The following LRGUK variants were observed in gnomAD, a reference collection of about 807,000 sequenced individuals.
LRGUK encodes leucine-rich repeat and guanylate kinase domain-containing protein.
A neutral mutation model predicts 76.0 loss-of-function variants in LRGUK; 65 were observed. The ratio of observed to expected loss-of-function variants is 0.85; its 90% CI spans 0.70 to 1.05. The LOEUF is 1.05. Among genes scored for constraint, LRGUK ranks in the 50% least tolerant of loss-of-function variants. The pLI is 0.00. For synonymous variants in LRGUK, 268 were observed against 265.6 expected (o/e 1.01, Z -0.09); for missense variants, 758 against 732.8 (o/e 1.03, Z -0.40).
intron 15 of LRGUK, among the ~76,000 whole-genome samples, chr7:134,220,175 G>T (rs1308641994): frequency 6.6e-6 from 1 of 152,106 alleles, no homozygotes; most frequent in African/African-American, 2.4e-5. Context: ...GTCTCATTTT[G>T]TCACTTTGTG....
At chr7:134,129,291 GTC>G (rs533244714) in intron 1 of LRGUK, among the ~76,000 whole-genome samples, 20 of 93,800 alleles carry the variant, frequency 2.1e-4, no homozygotes, top group Non-Finnish European at 3.6e-4. Context: ...CCTCCACTCT[GTC>G]TCTCTTTCTT....
intron 1 of LRGUK, among the ~76,000 whole-genome samples, chr7:134,135,809 C>T (rs904640484): frequency 6.6e-6 from 1 of 152,200 alleles, no homozygotes; most frequent in African/African-American, 2.4e-5. Flanking sequence ...GCGCCCGCCA[C>T]CACATCCGGC....
chr7:134,135,863 A>G (rs113709893), intron 1 of LRGUK, among the ~76,000 whole-genome samples: 30 of 152,230 alleles, frequency 2.0e-4, no homozygotes, highest in South Asian at 8.3e-4. Flanking sequence ...TCACCGTGTT[A>G]GCCAGGATGG....
chr7:134,196,580 G>A (rs566442155), intron 12 of LRGUK, among the ~76,000 whole-genome samples: 2 of 152,124 alleles, frequency 1.3e-5, no homozygotes, highest in Non-Finnish European at 2.9e-5. Flanking sequence ...GAAATGGAAG[G>A]CTTTTCTGGG....
At chr7:134,210,742 A>C (rs1332946523), downstream of LRGUK, among the ~76,000 whole-genome samples, 2 of 152,242 alleles carry the variant, frequency 1.3e-5, no homozygotes. Flanking sequence ...AGCCTGTCAA[A>C]GACACACCAG....
chr7:134,147,917 C>T (rs1455551632), intron 4 of LRGUK, among the ~76,000 whole-genome samples: 1 of 151,890 alleles, frequency 6.6e-6, no homozygotes, highest in African/African-American at 2.4e-5. Context: ...AAAAAATTAG[C>T]CAGTTGCGGT....
In LRGUK at chr7:134,227,248, G is replaced by A. The variant is rs58728658; in HGVS notation, c.1983+5330G>A. Among the ~76,000 whole-genome samples the A allele has an allele frequency of 2.9e-3, 448 of 152,188 alleles. 4 individuals carry two copies. The highest frequency in any genetic ancestry group is 0.019 in the South Asian group (94 of 4,826). On this transcript the variant is annotated intron_variant, in intron 16 of 19. Transcript: ENST00000285928. ...CTTGTGGAACTAGGACAATAACATC[G>A]AAGTATGAGGTCCATCAGGGAAGTA...
At chr7:134,128,612 C>T (rs1797134297) in intron 1 of LRGUK, among the ~76,000 whole-genome samples, 2 of 152,200 alleles carry the variant, frequency 1.3e-5, no homozygotes, top group Non-Finnish European at 2.9e-5. Flanking sequence ...TGCAGTGGTG[C>T]GGTCTCCGCT....
At chr7:134,136,182 T>A (rs1797532190) in intron 1 of LRGUK, among the ~76,000 whole-genome samples, 1 of 152,132 alleles carries the variant, frequency 6.6e-6, no homozygotes, top group South Asian at 2.1e-4. Context: ...CATTATGGAG[T>A]TGAAGGCAGC....
intron 19 of LRGUK, among the ~76,000 whole-genome samples, chr7:134,258,812 T>C (rs1323387166): frequency 1.3e-5 from 2 of 152,184 alleles, no homozygotes; most frequent in African/African-American, 4.8e-5. Context: ...TTTTTGAAAA[T>C]TAAATGAGAG....
chr7:134,273,985 T>G, the LRGUK span, among the ~76,000 whole-genome samples: 1 of 152,216 alleles, frequency 6.6e-6, no homozygotes, highest in African/African-American at 2.4e-5. Flanking sequence ...AGTTTTTAAC[T>G]CTATATTTTC....
chr7:134,178,544 T>G (rs957318654), exon 10 of LRGUK: 7 of 1,613,296 alleles, frequency 4.3e-6, no homozygotes, highest in Middle Eastern at 1.6e-4. Flanking sequence ...CTGAAGTGGT[T>G]GCAGCTCAAG....
chr7:134,155,608 A>G (rs1798419691), intron 5 of LRGUK, among the ~76,000 whole-genome samples: 1 of 152,182 alleles, frequency 6.6e-6, no homozygotes, highest in Non-Finnish European at 1.5e-5. Context: ...TTTCTGTGCT[A>G]TTGACCAAGA....
intron 7 of LRGUK, among the ~76,000 whole-genome samples, chr7:134,163,741 G>T (rs1301896678): frequency 6.6e-6 from 1 of 152,224 alleles, no homozygotes; most frequent in African/African-American, 2.4e-5. Flanking sequence ...TATTGAAAAT[G>T]TGATGATTCC....
At position 134,182,557 on chromosome 7, in the gene LRGUK, A is replaced by G. The variant is rs10253303; in HGVS notation, c.1215-1177A>G. Among the ~76,000 whole-genome samples, 300 of 152,292 alleles carry G rather than the reference A, an allele frequency of 2.0e-3. 1 individual carries two copies. Among genetic ancestry groups the G allele is most frequent in the African/African-American group, 6.8e-3 (282 of 41,554 alleles). ...TTTGCTCTCAAGTTTTTCTGTGGGA[A>G]TTCGGAGAGATTGAAAAACTATGCT... On this transcript the variant is annotated intron_variant, in intron 10 of 15. Transcript: ENST00000645682.
At position 134,226,979 on chromosome 7, in the gene LRGUK, T is replaced by C. The variant is rs565327990; in HGVS notation, c.1983+5061T>C. Among the ~76,000 whole-genome samples, 233 of 152,230 alleles carry C rather than the reference T, an allele frequency of 1.5e-3. 1 individual carries two copies. The highest frequency in any genetic ancestry group is 5.3e-3 in the African/African-American group (221 of 41,486). On this transcript the variant is annotated intron_variant, in intron 16 of 19. Transcript: ENST00000285928. ...AAAAGTGGTTAATTGGACTTCTGCT[T>C]CCACTAAAGGCAGACCTGGTAATTC...
At chr7:134,251,531 G>C (rs1375931764) in intron 18 of LRGUK, among the ~76,000 whole-genome samples, 1 of 152,120 alleles carries the variant, frequency 6.6e-6, no homozygotes, top group South Asian at 2.1e-4. Flanking sequence ...ATGGCAGCCG[G>C]AGCAAACTAA....
chr7:134,163,525 C>T (rs1343702219), exon 7 of LRGUK: 1 of 1,612,072 alleles, frequency 6.2e-7, no homozygotes, highest in South Asian at 1.1e-5. Flanking sequence ...AAGTGATCAA[C>T]CTGGAGGATA....
the LRGUK span, among the ~76,000 whole-genome samples, chr7:134,276,419 T>C: frequency 2.0e-5 from 3 of 152,246 alleles, no homozygotes; most frequent in African/African-American, 7.2e-5. Flanking sequence ...TCCGCTCTGT[T>C]TCTTCATCTG....
Sources: allele counts gnomAD v4.1 joint callset (sites outside exome capture counted in the v4.1 genomes callset), GRCh38; gene constraint gnomAD v4.1.1; transcripts MANE v1.5; gene names NCBI Gene and HGNC (gene_info 2026-07-23, HGNC 2026-07-21).